The following NDUFS4 variants were observed in gnomAD, a reference collection of about 807,000 sequenced individuals.
NDUFS4 encodes the protein NADH dehydrogenase [ubiquinone] iron-sulfur protein 4, mitochondrial.
In NDUFS4, 28 loss-of-function variants were observed where a neutral mutation model predicts 24.3. The observed-to-expected ratio is 1.15, with a 90% confidence interval of 0.85 to 1.58. The LOEUF (loss-of-function observed/expected upper bound fraction) is 1.58, where lower values mean the gene tolerates loss of function less well. NDUFS4 is among the 40% of genes most tolerant of loss of function. The probability of loss-of-function intolerance (pLI) is 0.00; values close to 1 mark genes in which losing one functional copy is unlikely to be tolerated. For missense variants in NDUFS4, 223 were observed against 207.9 expected, an observed-to-expected ratio of 1.07 and a Z score of -0.45; for synonymous variants, 93 against 69.7, an observed-to-expected ratio of 1.34 and a Z score of -1.67.
chr5:53,675,787 T>C (rs887232732), intron 4 of NDUFS4, among the ~76,000 whole-genome samples: 1 of 152,150 alleles, frequency 6.6e-6, no homozygotes. Context: ...CATCAGATGG[T>C]CAGATTGCAA....
intron 2 of NDUFS4, among the ~76,000 whole-genome samples, chr5:53,636,658 C>T (rs995987792): frequency 6.6e-6 from 1 of 151,996 alleles, no homozygotes; most frequent in African/African-American, 2.4e-5. Context: ...GTGTTCTTAC[C>T]AAATCTGACG....
chr5:53,683,300 A>G lies in NDUFS4; in HGVS notation c.*79A>G, dbSNP rs886060699. 5.1e-5 allele frequency: 49 copies of G among 969,140 alleles called. No homozygotes were observed. The East Asian group carries it at 1.1e-3, about 22-fold the overall frequency. The allele number at this position is 969,140 out of a possible 1,614,324, so 60.0% of individuals were successfully genotyped here. The stretch of plus-strand genomic sequence containing the variant: ...TTTATAGTCCATGTATAATAAATAC[A>G]TCTCTTAATCTCCTAATAAATTGGA... On this transcript the variant is annotated 3_prime_UTR_variant, in exon 5 of 5. Coordinates refer to ENST00000296684, the MANE Select transcript of NDUFS4 (RefSeq NM_002495.4).
chr5:53,668,589 A>G (rs1318431861), intron 4 of NDUFS4, among the ~76,000 whole-genome samples: 1 of 149,236 alleles, frequency 6.7e-6, no homozygotes, highest in Admixed American at 6.7e-5. Flanking sequence ...TTCCTGGACT[A>G]CAGGCATGCA....
intron 4 of NDUFS4, among the ~76,000 whole-genome samples, chr5:53,672,039 A>AGAAG (rs1168294155): frequency 1.3e-5 from 2 of 152,134 alleles, no homozygotes; most frequent in Admixed American, 6.6e-5. Context: ...CTGAAGTAAT[A>AGAAG]GAAGGTAGAA....
intron 1 of NDUFS4, among the ~76,000 whole-genome samples, chr5:53,568,407 T>G (rs1213951458): frequency 6.6e-6 from 1 of 152,162 alleles, no homozygotes; most frequent in Non-Finnish European, 1.5e-5. Flanking sequence ...CCATATTATA[T>G]CTTGTAAGAC....
intron 3 of NDUFS4, 80 bp downstream of exon 3, chr5:53,646,485 T>A: frequency 6.9e-7 from 1 of 1,446,708 alleles, no homozygotes. Flanking sequence ...ATTTTCAAAC[T>A]CTTTTATGTA....
chr5:53,603,361 G>A (rs1397772106), intron 1 of NDUFS4, 91 bp from the exon 2 acceptor site: 44 of 733,584 alleles, frequency 6.0e-5, no homozygotes, highest in Non-Finnish European at 8.4e-5. Context: ...TAATAAGACA[G>A]ATATTGTTAA....
intron 4 of NDUFS4, among the ~76,000 whole-genome samples, chr5:53,664,792 C>T (rs1004347348): frequency 1.3e-5 from 2 of 152,088 alleles, no homozygotes; most frequent in Non-Finnish European, 1.5e-5. Context: ...TCCTTTAGCT[C>T]GGAGTAGTTT....
In NDUFS4 at chr5:53,646,243, C is replaced by T; in HGVS notation, c.188C>T (p.Thr63Ile). Residue 63 changes from threonine to isoleucine, a missense_variant, in exon 3 of 5, where the codon ACT becomes ATT. Transcript: ENST00000296684. ...CTTGTTTTTCTGTAGGATATCACTA[C>T]TTTAACTGGAGTTCCAGAAGAGCAT... ...ITVDEKLDITTLTGVPEEHIK... is the reference protein window; with the variant it reads ...ITVDEKLDITILTGVPEEHIK... 6.2e-7 allele frequency: 1 copy of T among 1,609,510 alleles called. No homozygotes were observed. Among genetic ancestry groups the T allele is most frequent in the Non-Finnish European group, 8.5e-7 (1 of 1,176,454 alleles).
At chr5:53,610,114 A>G (rs1750650192) in intron 2 of NDUFS4, among the ~76,000 whole-genome samples, 1 of 152,168 alleles carries the variant, frequency 6.6e-6, no homozygotes, top group Non-Finnish European at 1.5e-5. Flanking sequence ...GGTTTTTGAC[A>G]TGCCTTCTTC....
At chr5:53,573,165 G>A (rs1749271355) in intron 1 of NDUFS4, among the ~76,000 whole-genome samples, 1 of 151,472 alleles carries the variant, frequency 6.6e-6, no homozygotes, top group African/African-American at 2.4e-5. Context: ...GTAGACATGG[G>A]TGTCTCCCTG....
At chr5:53,679,037 TATG>T (rs1740568384) in intron 4 of NDUFS4, among the ~76,000 whole-genome samples, 1 of 152,168 alleles carries the variant, frequency 6.6e-6, no homozygotes, top group African/African-American at 2.4e-5. Flanking sequence ...AAATTTTTAT[TATG>T]ATGACAGCCC....
chr5:53,613,311 A>G (rs1750754156), intron 2 of NDUFS4, among the ~76,000 whole-genome samples: 1 of 152,106 alleles, frequency 6.6e-6, no homozygotes, highest in Non-Finnish European at 1.5e-5. Context: ...ACTGGGTCAA[A>G]GGATATGTCT....
intron 1 of NDUFS4, among the ~76,000 whole-genome samples, chr5:53,591,741 TGTG>T (rs1210442330): frequency 1.3e-5 from 2 of 152,158 alleles, no homozygotes; most frequent in Non-Finnish European, 2.9e-5. Context: ...TCAAATTTGG[TGTG>T]GTATTTTGGA....
chr5:53,658,506 C>A, intron 3 of NDUFS4, 45 bp from the exon 4 acceptor site: 1 of 1,338,242 alleles, frequency 7.5e-7, no homozygotes, highest in Non-Finnish European at 1.1e-6. Context: ...TGTTTCTCAG[C>A]TAAAGCTTAA....
intron 1 of NDUFS4, among the ~76,000 whole-genome samples, chr5:53,590,854 T>A (rs1035855719): frequency 7.2e-5 from 11 of 152,220 alleles, no homozygotes; most frequent in African/African-American, 2.7e-4. Context: ...CACATTGTTG[T>A]GCAACCATTA....
In NDUFS4 at chr5:53,617,275, C is replaced by T. The variant is rs551857969; in HGVS notation, c.177+13745C>T. Among the ~76,000 whole-genome samples, 7 of 152,264 alleles carry T rather than the reference C, an allele frequency of 4.6e-5. 1 individual carries two copies. The South Asian group carries it at 8.3e-4, about 18-fold the overall frequency. Reference sequence around the variant, plus strand: ...TCTTGTTCTGCCTCTCCTTTCCCCCCTCTTACTCTCTGCTTCTTGAAATCT... The same window carrying T: ...TCTTGTTCTGCCTCTCCTTTCCCCCTTCTTACTCTCTGCTTCTTGAAATCT... On this transcript the variant is annotated intron_variant, in intron 2 of 4. Coordinates refer to ENST00000296684, the MANE Select transcript of NDUFS4 (RefSeq NM_002495.4).
chr5:53,622,106 A>C (rs1425010731), intron 2 of NDUFS4, among the ~76,000 whole-genome samples: 2 of 152,266 alleles, frequency 1.3e-5, no homozygotes, highest in South Asian at 4.1e-4. Context: ...GTTGCTCTTA[A>C]TTATTATACT....
chr5:53,655,719 C>G (rs192102981), intron 3 of NDUFS4, among the ~76,000 whole-genome samples: 19 of 152,148 alleles, frequency 1.2e-4, no homozygotes, highest in African/African-American at 4.3e-4. Flanking sequence ...TTCCAACAGA[C>G]AGTTAAATTA....
Sources: allele counts gnomAD v4.1 joint callset (sites outside exome capture counted in the v4.1 genomes callset), GRCh38; gene constraint gnomAD v4.1.1; transcripts MANE v1.5; gene names NCBI Gene and HGNC (gene_info 2026-07-23, HGNC 2026-07-21).